Variants in MAP2K7 observed in about 807,000 individuals in gnomAD.
MAP2K7 encodes dual specificity mitogen-activated protein kinase kinase 7.
A neutral mutation model predicts 47.7 loss-of-function variants in MAP2K7; 12 were observed. That is an observed-to-expected ratio of 0.25 (90% confidence interval 0.16 to 0.41). The LOEUF (loss-of-function observed/expected upper bound fraction) is 0.41, where lower values mean the gene tolerates loss of function less well. Ranked by LOEUF, MAP2K7 falls within the 10% of genes least tolerant of loss-of-function variation. The pLI is 1.00. For missense variants in MAP2K7, 415 were observed against 600.3 expected (o/e 0.69, Z 3.23); for synonymous variants, 299 against 243.0 (o/e 1.23, Z -2.14).
chr19:7,911,243 C>G lies in MAP2K7; in HGVS notation c.856-7C>G, dbSNP rs190780642. ...TGGAGATACGTCTTCTCCTCCCCCCCCTGCAGCCCGAGCGCATTGACCCCC... is the reference window on the plus strand; with the variant it reads ...TGGAGATACGTCTTCTCCTCCCCCCGCTGCAGCCCGAGCGCATTGACCCCC... On this transcript the variant is annotated splice_polypyrimidine_tract_variant and splice_region_variant and intron_variant, in intron 7 of 10. Coordinates refer to ENST00000397979, the MANE Select transcript of MAP2K7 (RefSeq NM_145185.4). 3.6e-4 allele frequency: 578 copies of G among 1,610,846 alleles called. No homozygotes were observed. The African/African-American group carries it at 4.4e-3, about 12-fold the overall frequency.
In MAP2K7 at chr19:7,911,317, T is replaced by C; in HGVS notation, c.923T>C (p.Leu308Pro). 6.2e-7 allele frequency: 1 copy of C among 1,613,244 alleles called. No homozygotes were observed. The highest frequency in any genetic ancestry group is 8.5e-7 in the Non-Finnish European group (1 of 1,179,970). The change falls in exon 8 of 11, where the codon CTG becomes CCG. Residue 308 changes from leucine to proline, a missense_variant. Coordinates refer to ENST00000397979, the MANE Select transcript of MAP2K7 (RefSeq NM_145185.4). Reference sequence around the variant, plus strand: ...GACATCCGGGCCGACGTATGGAGCCTGGGCATCTCGTTGGTGAGTTGGGGC... The same window carrying C: ...GACATCCGGGCCGACGTATGGAGCCCGGGCATCTCGTTGGTGAGTTGGGGC... ...DYDIRADVWS[L>P]GISLVELATG...
intron 1 of MAP2K7, among the ~76,000 whole-genome samples, chr19:7,908,175 A>C (rs1373259687): frequency 1.3e-5 from 2 of 151,932 alleles, no homozygotes; most frequent in East Asian, 3.9e-4. Flanking sequence ...AAAAAAAAAA[A>C]AAAACAGTGG....
Position 7,912,484 on chromosome 19 carries a change from C to T in MAP2K7, c.*53C>T. ...GGGCCAGGGGCATGGCCACAGGCCCCCCTCCCCACTTGGCCACCCAGCTGC... is the reference window on the plus strand; with the variant it reads ...GGGCCAGGGGCATGGCCACAGGCCCTCCTCCCCACTTGGCCACCCAGCTGC... On this transcript the variant is annotated 3_prime_UTR_variant, in exon 11 of 11. Transcript: ENST00000397979. The T allele has an allele frequency of 6.4e-7, 1 of 1,552,480 alleles. No individual in the cohort carries two copies.
chr19:7,907,643 TC>T (rs2145133798), intron 1 of MAP2K7, among the ~76,000 whole-genome samples: 1 of 151,952 alleles, frequency 6.6e-6, no homozygotes. Flanking sequence ...CTCCCTTCCA[TC>T]CCCCCATGCT....
rs1292855446 is a variant in MAP2K7 at position 7,910,296 on chromosome 19, G to T, written c.370G>T (p.Gly124Cys). 1 of 1,613,352 alleles carries T rather than the reference G, an allele frequency of 6.2e-7. No individual in the cohort carries two copies. Among genetic ancestry groups the T allele is most frequent in the East Asian group, 2.2e-5 (1 of 44,880 alleles). ...AGAAATCAACGACCTGGAGAACTTG[G>T]GCGAGATGGGCAGCGGCACCTGCGG... ...QAEINDLENL[G>C]EMGSGTCGQV... The change falls in exon 4 of 11, where the codon GGC becomes TGC. Residue 124 changes from glycine (G) to cysteine (C), a missense_variant. Transcript: ENST00000397979.
In MAP2K7 at chr19:7,911,239, C is replaced by A. The variant is rs202106295; in HGVS notation, c.856-11C>A. ...GCCTTGGAGATACGTCTTCTCCTCC[C>A]CCCCCTGCAGCCCGAGCGCATTGAC... On this transcript the variant is annotated splice_polypyrimidine_tract_variant and intron_variant, in intron 7 of 10. Coordinates refer to ENST00000397979, the MANE Select transcript of MAP2K7 (RefSeq NM_145185.4). 7 of 1,605,220 alleles carry A rather than the reference C, an allele frequency of 4.4e-6. No individual in the cohort carries two copies. Among genetic ancestry groups the A allele is most frequent in the East Asian group, 2.2e-5 (1 of 44,730 alleles).
intron 1 of MAP2K7, chr19:7,904,359 C>T (rs1055504391): frequency 2.1e-5 from 5 of 232,580 alleles, no homozygotes; most frequent in Non-Finnish European, 2.7e-5. Context: ...GTCGGGCTTC[C>T]CCGACTCCAC....
chr19:7,908,189 G>A (rs1458838086), intron 1 of MAP2K7, among the ~76,000 whole-genome samples: 2 of 152,120 alleles, frequency 1.3e-5, no homozygotes, highest in East Asian at 3.9e-4. Context: ...ACAGTGGGAG[G>A]TGACGTGGTG....
intron 1 of MAP2K7, among the ~76,000 whole-genome samples, chr19:7,905,341 C>T (rs1172740757): frequency 6.6e-6 from 1 of 152,220 alleles, no homozygotes; most frequent in Non-Finnish European, 1.5e-5. Context: ...CCTGTCCCTC[C>T]CTCTCCTGAC....
intron 1 of MAP2K7, among the ~76,000 whole-genome samples, chr19:7,907,784 G>T (rs560802234): frequency 3.3e-5 from 5 of 152,270 alleles, no homozygotes; most frequent in Admixed American, 2.6e-4. Flanking sequence ...AGTGCAGGGT[G>T]TGAGCGGGAC....
At chr19:7,910,192 G>T in intron 3 of MAP2K7, 63 bp downstream of exon 3, 1 of 1,597,944 alleles carries the variant, frequency 6.3e-7, no homozygotes, top group Non-Finnish European at 8.5e-7. Context: ...CATCCTGGGA[G>T]CGCCAGTGGG....
rs1814588666 is a variant in MAP2K7, at chr19:7,910,592, C to T, written c.567+20C>T. 1 of 1,613,254 alleles carries T rather than the reference C, an allele frequency of 6.2e-7. No individual in the cohort carries two copies. The highest frequency in any genetic ancestry group is 8.5e-7 in the Non-Finnish European group (1 of 1,179,848). ...ACCAACGTGAGTACCTGGCCGCGCC[C>T]TGCAGCGTCTCCTCCTCCCTCACCC... On this transcript the variant is annotated intron_variant, in intron 5 of 10. Coordinates refer to ENST00000397979, the MANE Select transcript of MAP2K7 (RefSeq NM_145185.4).
At chr19:7,912,020 A>G (rs939267447) in intron 9 of MAP2K7, 129 bp from the exon 10 acceptor site, 2 of 815,286 alleles carry the variant, frequency 2.5e-6, no homozygotes, top group Non-Finnish European at 4.1e-6. Context: ...TCCTGAGGAC[A>G]TCCACAGCTC....
chr19:7,912,013 T>G, intron 9 of MAP2K7, 136 bp from the exon 10 acceptor site: 1 of 778,920 alleles, frequency 1.3e-6, no homozygotes, highest in African/African-American at 1.7e-5. Flanking sequence ...GCCGGGGTCC[T>G]GAGGACATCC....
At chr19:7,907,414 C>T (rs1244674980) in intron 1 of MAP2K7, among the ~76,000 whole-genome samples, 2 of 152,184 alleles carry the variant, frequency 1.3e-5, no homozygotes, top group Non-Finnish European at 2.9e-5. Flanking sequence ...ACTTGCACGG[C>T]ATGTGCGTGC....
At position 7,912,585 on chromosome 19, in the gene MAP2K7, C is replaced by A. The variant is rs541357043; in HGVS notation, c.*154C>A. 8.9e-6 allele frequency: 8 copies of A among 895,794 alleles called. No homozygotes were observed. The highest frequency in any genetic ancestry group is 6.0e-5 in the Admixed American group (2 of 33,586). 55.5% of individuals were successfully genotyped at this position (895,794 alleles called of 1,614,324 possible). On this transcript the variant is annotated 3_prime_UTR_variant, in exon 11 of 11. Transcript: ENST00000397979. ...GAGTGGGGGGTGCCCACCCACCCCC[C>A]CCGCCCCGGGCCTACCAAGCCCCCG...
chr19:7,910,675 CG>C lies in MAP2K7; in HGVS notation c.568-18del. The stretch of plus-strand genomic sequence containing the variant: ...GGTGGGCCGGAAGACACAGCTCCCC[CG>C]GGTGCCCCTCTCCCTGCAGACGGAC... On this transcript the variant is annotated intron_variant, in intron 5 of 10. Coordinates refer to ENST00000397979, the MANE Select transcript of MAP2K7 (RefSeq NM_145185.4). 2.5e-6 allele frequency: 4 copies of C among 1,606,296 alleles called. No individual in the cohort carries two copies. In the Middle Eastern group the frequency reaches 5.0e-4, roughly 200 times the overall value.
rs1982847929 is a variant in MAP2K7, at chr19:7,911,297, C to A, written c.903C>A (p.Ile301=). 2.5e-6 allele frequency: 4 copies of A among 1,613,268 alleles called. No homozygotes were observed. Among genetic ancestry groups the A allele is most frequent in the African/African-American group, 1.3e-5 (1 of 74,896 alleles). Residue 301 remains isoleucine, a synonymous_variant, in exon 8 of 11, where the codon ATC becomes ATA. Coordinates refer to ENST00000397979, the MANE Select transcript of MAP2K7 (RefSeq NM_145185.4). ...PPDPTKPDYD[I]RADVWSLGIS... is the part of the protein sequence containing the mutation. Reference sequence around the variant, plus strand: ...ACCCCACCAAGCCGGACTATGACATCCGGGCCGACGTATGGAGCCTGGGCA... The same window carrying A: ...ACCCCACCAAGCCGGACTATGACATACGGGCCGACGTATGGAGCCTGGGCA...
chr19:7,912,215 A>C, intron 10 of MAP2K7, 21 bp downstream of exon 10: 1 of 1,613,854 alleles, frequency 6.2e-7, no homozygotes, highest in South Asian at 1.1e-5. Flanking sequence ...GAGCCCTCCC[A>C]GTCCCCGTCC....
Sources: gnomAD v4.1 joint callset for allele counts (sites outside exome capture counted in the v4.1 genomes callset) on GRCh38, gnomAD v4.1.1 for gene constraint, MANE v1.5 for transcripts, NCBI Gene and HGNC (gene_info 2026-07-23, HGNC 2026-07-21) for gene names.